Variants in MBNL2 observed in about 807,000 individuals in gnomAD.
MBNL2 encodes the protein muscleblind-like protein 2.
Under a neutral mutation model 41.9 loss-of-function variants are expected in MBNL2, and 17 were observed. The ratio of observed to expected loss-of-function variants is 0.41; its 90% confidence interval spans 0.28 to 0.61. The LOEUF (loss-of-function observed/expected upper bound fraction) is 0.61, where lower values mean the gene tolerates loss of function less well. Among genes scored for constraint, MBNL2 ranks in the 20% least tolerant of loss-of-function variants. The pLI, the probability that MBNL2 is intolerant of heterozygous loss-of-function variation, is 0.35. For missense variants in MBNL2, 336 were observed against 505.6 expected, an observed-to-expected ratio of 0.66 and a Z score of 3.22; for synonymous variants, 195 against 182.9, an observed-to-expected ratio of 1.07 and a Z score of -0.53.
At chr13:97,218,852 A>G (rs1048563854), upstream of MBNL2, among the ~76,000 whole-genome samples, 5 of 151,704 alleles carry the variant, frequency 3.3e-5, no homozygotes, top group Non-Finnish European at 7.4e-5. Context: ...TTTAACATAC[A>G]TGTGTTACGG....
intron 1 of MBNL2, among the ~76,000 whole-genome samples, chr13:97,243,404 A>T (rs1319710592): frequency 6.6e-6 from 1 of 152,200 alleles, no homozygotes; most frequent in Non-Finnish European, 1.5e-5. Flanking sequence ...GTACAGCAGC[A>T]GCAAGGTCAG....
the MBNL2 span, among the ~76,000 whole-genome samples, chr13:97,211,053 A>T: frequency 6.6e-6 from 1 of 152,198 alleles, no homozygotes; most frequent in African/African-American, 2.4e-5. Flanking sequence ...TTGATGCATG[A>T]TCTGACACCC....
chr13:97,366,336 G>T lies in MBNL2; in HGVS notation c.1048+1165G>T. On this transcript the variant is annotated intron_variant, in intron 8 of 8. Transcript: ENST00000679496. This position sits in a 1 kb window ranked among gnomAD's most constrained non-coding sequence, Gnocchi z 4.7. ...TCCTTGCTTTGCATTGTGATTGCAT[G>T]CCATCTGCTGGTTTAACCCATGATG... The T allele has an allele frequency of 1.7e-6, 1 of 585,672 alleles. No individual in the cohort carries two copies. Among genetic ancestry groups the T allele is most frequent in the Non-Finnish European group, 3.1e-6 (1 of 321,542 alleles). The allele number at this position is 585,672 out of a possible 1,614,324, so 36.3% of individuals were successfully genotyped here.
At chr13:97,376,626 C>T (rs1313501696) in intron 8 of MBNL2, among the ~76,000 whole-genome samples, 2 of 152,144 alleles carry the variant, frequency 1.3e-5, no homozygotes, top group African/African-American at 4.8e-5. Context: ...ATAATCTTTA[C>T]TGCTTGCTGC....
chr13:97,226,565 T>C (rs1029561420), intron 1 of MBNL2, among the ~76,000 whole-genome samples: 169 of 152,290 alleles, frequency 1.1e-3, no homozygotes, highest in African/African-American at 3.9e-3. Context: ...TAATATTAAT[T>C]TAGCATTGTT....
intron 8 of MBNL2, among the ~76,000 whole-genome samples, chr13:97,369,745 G>A (rs1008800050): frequency 2.0e-5 from 3 of 152,202 alleles, no homozygotes; most frequent in Non-Finnish European, 4.4e-5. Context: ...CTGAATCAAG[G>A]TGCCACCAAT....
chr13:97,334,569 C>A lies in MBNL2; in HGVS notation c.339+129C>A. Reference sequence around the variant, plus strand: ...ACAATTAAAGCAAATAGCTTTAAAGCTCAATAGATGAAGGAAAATAGGCTT... The same window carrying A: ...ACAATTAAAGCAAATAGCTTTAAAGATCAATAGATGAAGGAAAATAGGCTT... On this transcript the variant is annotated intron_variant, in intron 3 of 8. Transcript: ENST00000679496. This position sits in a 1 kb window ranked among gnomAD's most constrained non-coding sequence, Gnocchi z 5.3. 1 of 544,188 alleles carries A rather than the reference C, an allele frequency of 1.8e-6. No individual in the cohort carries two copies. Among genetic ancestry groups the A allele is most frequent in the South Asian group, 4.3e-5 (1 of 23,026 alleles). 33.7% of individuals were successfully genotyped at this position (544,188 alleles called of 1,614,324 possible).
At chr13:97,236,600 G>A (rs1484483012) in intron 1 of MBNL2, among the ~76,000 whole-genome samples, 1 of 151,900 alleles carries the variant, frequency 6.6e-6, no homozygotes, top group Non-Finnish European at 1.5e-5. Flanking sequence ...TCGTGGGAAG[G>A]TAGTCCTATA....
chr13:97,333,031 C>A (rs973070464), intron 2 of MBNL2, among the ~76,000 whole-genome samples: 2 of 152,118 alleles, frequency 1.3e-5, no homozygotes, highest in Non-Finnish European at 2.9e-5. Flanking sequence ...GCCAAAAGTG[C>A]GGATGAAATT....
intron 1 of MBNL2, among the ~76,000 whole-genome samples, chr13:97,237,972 C>G (rs1342135783): frequency 6.6e-6 from 1 of 152,056 alleles, no homozygotes; most frequent in Non-Finnish European, 1.5e-5. Flanking sequence ...GCAGGATTGA[C>G]TGGGGCCAAG....
Position 97,357,541 on chromosome 13 carries a change from T to C in MBNL2, c.918T>C (p.Asn306=), listed in dbSNP as rs2153107141. 6.2e-7 allele frequency: 1 copy of C among 1,614,060 alleles called. No individual in the cohort carries two copies. The highest frequency in any genetic ancestry group is 8.5e-7 in the Non-Finnish European group (1 of 1,179,980). ...AGAGACAAGCACTTGAAAAAAGCAATGGTACCAGCGCGGTCTTTAACCCCA... is the reference window on the plus strand; with the variant it reads ...AGAGACAAGCACTTGAAAAAAGCAACGGTACCAGCGCGGTCTTTAACCCCA... ...LPKRQALEKS[N]GTSAVFNPSV... Residue 306 remains asparagine, a synonymous_variant, in exon 7 of 9, where the codon AAT becomes AAC. Transcript: ENST00000679496.
At position 97,292,044 on chromosome 13, in the gene MBNL2, CA is replaced by C. The variant is rs535710499; in HGVS notation, c.174+15642del. On this transcript the variant is annotated intron_variant, in intron 2 of 8. Coordinates refer to ENST00000679496, the MANE Select transcript of MBNL2 (RefSeq NM_001382683.1). ...GAAACCCCATCTCTACTAAAAAATA[CA>C]AAAAAACTAGCCGGGTGTGATGGCG... 1.9e-4 allele frequency among the ~76,000 whole-genome samples: 28 copies of C among 150,716 alleles called. No individual in the cohort carries two copies. In the East Asian group the frequency reaches 2.6e-3, roughly 14 times the overall value.
At chr13:97,319,030 G>T (rs2059282600) in intron 2 of MBNL2, among the ~76,000 whole-genome samples, 1 of 152,178 alleles carries the variant, frequency 6.6e-6, no homozygotes, top group Non-Finnish European at 1.5e-5. Flanking sequence ...CCCTCAGAAA[G>T]GGTGAGTGAG....
chr13:97,260,224 T>A (rs959380154), intron 1 of MBNL2, among the ~76,000 whole-genome samples: 2 of 151,982 alleles, frequency 1.3e-5, no homozygotes, highest in African/African-American at 4.8e-5. Context: ...AACAGCGAGG[T>A]CAAAGCTCTA....
At chr13:97,151,707 C>A in the MBNL2 span, among the ~76,000 whole-genome samples, 1,367 of 152,230 alleles carry the variant, frequency 9.0e-3, 21 homozygotes, top group African/African-American at 0.031. Context: ...AGTTTACACA[C>A]CAAACTATCA....
At chr13:97,385,482 T>C in intron 8 of MBNL2, among the ~76,000 whole-genome samples, 1 of 152,252 alleles carries the variant, frequency 6.6e-6, no homozygotes, top group East Asian at 1.9e-4. Context: ...TCTTTTCTAA[T>C]TGCTTGATGA....
chr13:97,288,037 G>T (rs1381640144), intron 2 of MBNL2, among the ~76,000 whole-genome samples: 1 of 148,766 alleles, frequency 6.7e-6, no homozygotes. Flanking sequence ...GCCTCCCAAA[G>T]TGCTGGGATT....
chr13:97,261,405 C>T (rs1366704025), intron 1 of MBNL2, among the ~76,000 whole-genome samples: 1 of 152,182 alleles, frequency 6.6e-6, no homozygotes, highest in East Asian at 1.9e-4. Context: ...ACCTCCTCAA[C>T]TGCCGTCACC....
chr13:97,282,458 C>A (rs952408479), intron 2 of MBNL2, among the ~76,000 whole-genome samples: 1 of 152,156 alleles, frequency 6.6e-6, no homozygotes, highest in African/African-American at 2.4e-5. Context: ...AGAGACACTA[C>A]AAGAGAAAGT....
Sources: allele counts gnomAD v4.1 joint callset (sites outside exome capture counted in the v4.1 genomes callset), GRCh38; gene constraint gnomAD v4.1.1; non-coding constraint Gnocchi (gnomAD v3.1); transcripts MANE v1.5; gene names NCBI Gene and HGNC (gene_info 2026-07-23, HGNC 2026-07-21).